CCDC88A: variants seen among roughly 807,000 people sequenced by gnomAD.
CCDC88A encodes the protein girdin.
In CCDC88A, 54 loss-of-function variants were observed where a neutral mutation model predicts 234.3. The ratio of observed to expected loss-of-function variants is 0.23; its 90% CI spans 0.19 to 0.29. The LOEUF (loss-of-function observed/expected upper bound fraction) is 0.29. CCDC88A is among the 10% of genes least tolerant of loss of function. CCDC88A has a pLI of 1.00. For synonymous variants in CCDC88A, 753 were observed against 737.8 expected, an observed-to-expected ratio of 1.02 and a Z score of -0.33; for missense variants, 1,832 against 2,123.4, an observed-to-expected ratio of 0.86 and a Z score of 2.70.
chr2:55,311,830 T>C (rs1682385752), intron 23 of CCDC88A, among the ~76,000 whole-genome samples: 1 of 152,216 alleles, frequency 6.6e-6, no homozygotes, highest in African/African-American at 2.4e-5. Flanking sequence ...GTCAACTCTC[T>C]TTCACATGTT....
intron 2 of CCDC88A, among the ~76,000 whole-genome samples, chr2:55,393,166 T>G (rs1167059971): frequency 6.6e-6 from 1 of 151,918 alleles, no homozygotes; most frequent in African/African-American, 2.4e-5. Context: ...ATATTTAAGT[T>G]TTTTTTTCTT....
chr2:55,301,315 G>A (rs1309056410), intron 27 of CCDC88A, 38 bp from the exon 28 acceptor site: 2 of 1,123,948 alleles, frequency 1.8e-6, no homozygotes, highest in East Asian at 2.5e-5. Flanking sequence ...AGATATTTTT[G>A]TAATAAAAAA....
intron 2 of CCDC88A, among the ~76,000 whole-genome samples, chr2:55,406,626 G>C (rs1482869082): frequency 6.6e-6 from 1 of 152,092 alleles, no homozygotes; most frequent in Non-Finnish European, 1.5e-5. Context: ...GGGTGTGGTG[G>C]TACACAACTG....
At chr2:55,390,425 C>G (rs887674282) in intron 2 of CCDC88A, among the ~76,000 whole-genome samples, 2 of 152,182 alleles carry the variant, frequency 1.3e-5, no homozygotes, top group African/African-American at 4.8e-5. Flanking sequence ...TGTCCCCTGA[C>G]CACATTCTTA....
intron 2 of CCDC88A, chr2:55,417,242 A>C (rs1355571705): frequency 6.6e-6 from 1 of 152,088 alleles, no homozygotes; most frequent in East Asian, 1.9e-4. Context: ...AAAACCATTA[A>C]AGTGGAAAAC....
At chr2:55,387,228 T>C (rs1455244291) in intron 3 of CCDC88A, among the ~76,000 whole-genome samples, 1 of 146,106 alleles carries the variant, frequency 6.8e-6, no homozygotes, top group African/African-American at 2.5e-5. Context: ...TATTTAATAG[T>C]ACTTCTCAAT....
chr2:55,352,665 C>T (rs1670041901), intron 8 of CCDC88A, among the ~76,000 whole-genome samples: 1 of 152,026 alleles, frequency 6.6e-6, no homozygotes, highest in African/African-American at 2.4e-5. Flanking sequence ...TAAAGGGAGT[C>T]TTTGGTAGTA....
At chr2:55,342,289 T>TA (rs1181241493) in intron 12 of CCDC88A, among the ~76,000 whole-genome samples, 1 of 152,098 alleles carries the variant, frequency 6.6e-6, no homozygotes, top group African/African-American at 2.4e-5. Context: ...ATTTAAAAAA[T>TA]AAAAACTACA....
chr2:55,294,721 T>C (rs975635183), intron 31 of CCDC88A: 19 of 990,690 alleles, frequency 1.9e-5, no homozygotes, highest in South Asian at 4.6e-5. Context: ...CTTGGAAATG[T>C]CTTCTTGGTA....
intron 7 of CCDC88A, among the ~76,000 whole-genome samples, chr2:55,360,796 C>T (rs146837344): frequency 2.5e-3 from 377 of 152,168 alleles, no homozygotes; most frequent in Non-Finnish European, 4.3e-3. Context: ...TCATACAAAA[C>T]CAAAGCATAG....
In CCDC88A at chr2:55,301,202, T is replaced by G; in HGVS notation, c.4744+4A>C. 1 of 1,546,526 alleles carries G rather than the reference T, an allele frequency of 6.5e-7. No homozygotes were observed. ...TACTCTCTAAATAAGGTTCATTATC[T>G]TACCATGAACTCTTGATCCCGTACT... On this transcript the variant is annotated splice_donor_region_variant and intron_variant, in intron 28 of 32. Transcript: ENST00000436346.
intron 9 of CCDC88A, among the ~76,000 whole-genome samples, chr2:55,347,303 T>C (rs1669266902): frequency 6.6e-6 from 1 of 152,214 alleles, no homozygotes; most frequent in Non-Finnish European, 1.5e-5. Context: ...CTGTGGACCC[T>C]GAAACCTTTT....
At chr2:55,331,623 T>C (rs1684921648) in intron 16 of CCDC88A, among the ~76,000 whole-genome samples, 2 of 151,666 alleles carry the variant, frequency 1.3e-5, no homozygotes, top group African/African-American at 4.9e-5. Context: ...TCCAGCTGGA[T>C]TCATGGAGCT....
intron 2 of CCDC88A, among the ~76,000 whole-genome samples, chr2:55,391,023 T>C (rs1339840560): frequency 6.6e-6 from 1 of 152,132 alleles, no homozygotes; most frequent in Non-Finnish European, 1.5e-5. Context: ...AAACACTAAA[T>C]TGTGCATGTA....
At position 55,348,196 on chromosome 2, in the gene CCDC88A, C is replaced by T. The variant is rs1169918123; in HGVS notation, c.882+1322G>A. Among the ~76,000 whole-genome samples the T allele has an allele frequency of 2.6e-5, 4 of 152,108 alleles. No homozygotes were observed. In the East Asian group the frequency reaches 7.7e-4, roughly 29 times the overall value. On this transcript the variant is annotated intron_variant, in intron 9 of 32. Coordinates refer to ENST00000436346, the MANE Select transcript of CCDC88A (RefSeq NM_001365480.1). Reference sequence around the variant, plus strand: ...CCCAGGCAGGTCTTTAACTCCTGGGCTCAAGCAACCCACCTGCCTTGGCCT... The same window carrying T: ...CCCAGGCAGGTCTTTAACTCCTGGGTTCAAGCAACCCACCTGCCTTGGCCT...
chr2:55,301,730 A>ATGGTTT, intron 27 of CCDC88A, 142 bp downstream of exon 27: 1 of 699,574 alleles, frequency 1.4e-6, no homozygotes, highest in East Asian at 2.6e-5. Context: ...AAATGATTTG[A>ATGGTTT]AAGTTCCTCC....
Position 55,290,489 on chromosome 2 carries a change from T to C in CCDC88A, c.*711A>G, listed in dbSNP as rs956483274. 5.9e-5 allele frequency: 9 copies of C among 152,132 alleles called. No individual in the cohort carries two copies. Among genetic ancestry groups the C allele is most frequent in the African/African-American group, 2.2e-4 (9 of 41,462 alleles). 9.4% of individuals were successfully genotyped at this position (152,132 alleles called of 1,614,324 possible). A position where few individuals can be genotyped will look rare whatever the true frequency, so the allele number is the denominator to read the frequency against. The stretch of plus-strand genomic sequence containing the variant: ...ACACTCTTTACCATGGGTTAACTTA[T>C]GAATGCTTAGTGTTGCTTAATGGGA... On this transcript the variant is annotated 3_prime_UTR_variant, in exon 33 of 33. Coordinates refer to ENST00000436346, the MANE Select transcript of CCDC88A (RefSeq NM_001365480.1).
chr2:55,406,057 C>G (rs1449571377), intron 2 of CCDC88A: 1 of 151,432 alleles, frequency 6.6e-6, no homozygotes, highest in African/African-American at 2.4e-5. Context: ...ACTCAGGATG[C>G]TGAGGCAGGA....
intron 2 of CCDC88A, chr2:55,403,779 T>A (rs1405933008): frequency 6.6e-6 from 1 of 152,226 alleles, no homozygotes; most frequent in Non-Finnish European, 1.5e-5. Context: ...AACATTCACT[T>A]ACATGGTTGC....
Sources: gnomAD v4.1 joint callset for allele counts (sites outside exome capture counted in the v4.1 genomes callset) on GRCh38, gnomAD v4.1.1 for gene constraint, MANE v1.5 for transcripts, NCBI Gene and HGNC (gene_info 2026-07-23, HGNC 2026-07-21) for gene names.